The following STXBP5L variants were observed in gnomAD, a reference collection of about 807,000 sequenced individuals.
STXBP5L encodes syntaxin-binding protein 5-like.
A neutral mutation model predicts 144.5 loss-of-function variants in STXBP5L; 65 were observed. That is an observed-to-expected ratio of 0.45 (90% confidence interval 0.37 to 0.55). STXBP5L has a LOEUF of 0.55. Ranked by LOEUF, STXBP5L falls within the 20% of genes least tolerant of loss-of-function variation. The pLI, the probability that STXBP5L is intolerant of heterozygous loss-of-function variation, is 0.00. For missense variants in STXBP5L, 1,298 were observed against 1,405.5 expected, an observed-to-expected ratio of 0.92 and a Z score of 1.22; for synonymous variants, 505 against 469.6, an observed-to-expected ratio of 1.08 and a Z score of -0.97.
chr3:121,268,503 A>T (rs572621886), intron 18 of STXBP5L, among the ~76,000 whole-genome samples: 63 of 152,304 alleles, frequency 4.1e-4, no homozygotes, highest in African/African-American at 1.1e-3. Context: ...ATGTATACCT[A>T]GGTAACAAAC....
intron 20 of STXBP5L, among the ~76,000 whole-genome samples, chr3:121,347,938 A>G (rs947815365): frequency 6.6e-6 from 1 of 152,154 alleles, no homozygotes; most frequent in Non-Finnish European, 1.5e-5. Flanking sequence ...TCCGAATTGA[A>G]TACCCTTTAT....
intron 20 of STXBP5L, among the ~76,000 whole-genome samples, chr3:121,342,675 C>A (rs1559995414): frequency 6.6e-6 from 1 of 151,626 alleles, no homozygotes. Context: ...AGGACATGAA[C>A]TCATCATTTT....
intron 20 of STXBP5L, among the ~76,000 whole-genome samples, chr3:121,349,735 C>A (rs1362385624): frequency 3.3e-5 from 5 of 152,012 alleles, no homozygotes; most frequent in Admixed American, 6.5e-5. Context: ...CTCTTTAGAT[C>A]TTTCTTGGTT....
chr3:121,391,974 G>A (rs2108708444), intron 22 of STXBP5L, among the ~76,000 whole-genome samples: 1 of 152,310 alleles, frequency 6.6e-6, no homozygotes. Flanking sequence ...TGCAGAAGTT[G>A]TCTGCTGCCT....
chr3:121,185,217 A>G (rs894182658), intron 9 of STXBP5L, among the ~76,000 whole-genome samples: 24 of 152,194 alleles, frequency 1.6e-4, no homozygotes, highest in Non-Finnish European at 2.9e-5. Flanking sequence ...AGATGAGTAG[A>G]TTGCAAAAAT....
chr3:120,970,441 T>C lies in STXBP5L; in HGVS notation c.287+15404T>C, dbSNP rs148503130. On this transcript the variant is annotated intron_variant, in intron 3 of 26. Transcript: ENST00000471454. Reference sequence around the variant, plus strand: ...GAATGTGTTTAAATGATACTTTTGCTGGGTACAGTATTTTTGGATGGCAAT... The same window carrying C: ...GAATGTGTTTAAATGATACTTTTGCCGGGTACAGTATTTTTGGATGGCAAT... Among the ~76,000 whole-genome samples, 8 of 152,296 alleles carry C rather than the reference T, an allele frequency of 5.3e-5. No homozygotes were observed. In the East Asian group the frequency reaches 1.5e-3, roughly 29 times the overall value.
intron 3 of STXBP5L, among the ~76,000 whole-genome samples, chr3:121,012,994 T>C (rs745996419): frequency 3.4e-5 from 5 of 149,032 alleles, no homozygotes; most frequent in Admixed American, 6.8e-5. Flanking sequence ...GGCCTCCAGC[T>C]GCATCCATGT....
intron 7 of STXBP5L, among the ~76,000 whole-genome samples, chr3:121,146,721 G>A (rs534040265): frequency 6.6e-6 from 1 of 151,926 alleles, no homozygotes; most frequent in South Asian, 2.1e-4. Flanking sequence ...AGACTTTAAG[G>A]CAAAAACTTT....
At chr3:121,322,481 A>AG (rs2044004562) in intron 20 of STXBP5L, among the ~76,000 whole-genome samples, 3 of 151,604 alleles carry the variant, frequency 2.0e-5, no homozygotes, top group South Asian at 4.2e-4. Context: ...TGTGCCAAAA[A>AG]AAAAAAAAAA....
At chr3:121,055,522 A>G (rs1948393831) in intron 5 of STXBP5L, among the ~76,000 whole-genome samples, 1 of 151,890 alleles carries the variant, frequency 6.6e-6, no homozygotes, top group African/African-American at 2.4e-5. Context: ...TTGGAGTATT[A>G]TTATTGGAGA....
rs1359867038 is a variant in STXBP5L, at chr3:121,424,653, GA to G, written c.*5560del. On this transcript the variant is annotated 3_prime_UTR_variant, in exon 27 of 27. Coordinates refer to ENST00000471454, the MANE Select transcript of STXBP5L (RefSeq NM_001308330.2). Reference sequence around the variant, plus strand: ...TCTTCAGAATTTTTGCATCTTTTCAGAAAATGACAAATTACTATTTTTCTGT... The same window carrying G: ...TCTTCAGAATTTTTGCATCTTTTCAGAAATGACAAATTACTATTTTTCTGT... 2.6e-5 allele frequency: 4 copies of G among 152,094 alleles called. No homozygotes were observed. The South Asian group carries it at 8.3e-4, about 31-fold the overall frequency. The allele number at this position is 152,094 out of a possible 1,614,324, so 9.4% of individuals were successfully genotyped here. A position where few individuals can be genotyped will look rare whatever the true frequency, so the allele number is the denominator to read the frequency against.
At chr3:121,326,044 T>G (rs2044135157) in intron 20 of STXBP5L, among the ~76,000 whole-genome samples, 1 of 151,564 alleles carries the variant, frequency 6.6e-6, no homozygotes, top group African/African-American at 2.4e-5. Context: ...TCACTGTAAG[T>G]TTATAACTCA....
chr3:120,926,106 T>C (rs471031), intron 2 of STXBP5L, among the ~76,000 whole-genome samples: 80,367 of 152,014 alleles, frequency 0.53, 21,789 homozygotes, highest in African/African-American at 0.62. Flanking sequence ...CACTACAGCT[T>C]CAGTATTAGA....
At chr3:121,034,224 G>T (rs1227752315) in intron 3 of STXBP5L, among the ~76,000 whole-genome samples, 1 of 151,910 alleles carries the variant, frequency 6.6e-6, no homozygotes, top group African/African-American at 2.4e-5. Flanking sequence ...TGAGTTCTTA[G>T]TGTAACCATT....
intron 20 of STXBP5L, among the ~76,000 whole-genome samples, chr3:121,369,047 AG>A (rs911128557): frequency 3.9e-5 from 6 of 152,218 alleles, no homozygotes; most frequent in South Asian, 2.1e-4. Flanking sequence ...TTAAGGATAG[AG>A]GGGGGTTTTG....
At chr3:121,205,551 A>G (rs2048303712) in intron 9 of STXBP5L, among the ~76,000 whole-genome samples, 1 of 152,256 alleles carries the variant, frequency 6.6e-6, no homozygotes, top group Non-Finnish European at 1.5e-5. Context: ...TAGCAATAGT[A>G]ATACATTTCA....
At chr3:121,394,247 C>CTGATTTTTATACAT in intron 22 of STXBP5L, among the ~76,000 whole-genome samples, 2 of 152,152 alleles carry the variant, frequency 1.3e-5, no homozygotes, top group Non-Finnish European at 2.9e-5. Context: ...AAAAGTGGTA[C>CTGATTTTTATACAT]TGATTTTTAT....
chr3:121,301,990 T>C (rs1408310315), intron 19 of STXBP5L, among the ~76,000 whole-genome samples: 1 of 152,206 alleles, frequency 6.6e-6, no homozygotes, highest in African/African-American at 2.4e-5. Flanking sequence ...TCATCAGGGA[T>C]ATTGGTCTAA....
intron 23 of STXBP5L, among the ~76,000 whole-genome samples, chr3:121,410,886 C>T (rs1342083582): frequency 6.6e-6 from 1 of 152,070 alleles, no homozygotes; most frequent in Non-Finnish European, 1.5e-5. Flanking sequence ...CCTGAAGTGA[C>T]TACACCTCTT....
Sources: allele counts gnomAD v4.1 joint callset (sites outside exome capture counted in the v4.1 genomes callset), GRCh38; gene constraint gnomAD v4.1.1; transcripts MANE v1.5; gene names NCBI Gene and HGNC (gene_info 2026-07-23, HGNC 2026-07-21).